Variants in CNGA2 observed in about 807,000 individuals in gnomAD.
The protein encoded by CNGA2 is cyclic nucleotide gated channel subunit alpha 2.
CNGA2 carries 22 observed loss-of-function variants against 35.9 expected under a neutral mutation model. The observed-to-expected ratio is 0.61, with a 90% CI of 0.44 to 0.88. The LOEUF is 0.88. CNGA2 is among the 40% of genes least tolerant of loss of function. The probability of loss-of-function intolerance (pLI) is 0.00; values close to 1 mark genes in which losing one functional copy is unlikely to be tolerated. For synonymous variants in CNGA2, 217 were observed against 209.2 expected (o/e 1.04, Z -0.32); for missense variants, 555 against 530.8 (o/e 1.05, Z -0.45).
intron 1 of CNGA2, among the ~76,000 whole-genome samples, chrX:151,738,249 G>A (rs1053749596): frequency 8.9e-6 from 1 of 111,760 alleles, no homozygotes; most frequent in Non-Finnish European, 1.9e-5. Context: ...TATTAGGGTT[G>A]GGGGAGTACC....
rs1379324610 is a variant in CNGA2, at chrX:151,744,160, A to G, written c.1657A>G (p.Lys553Glu). 2.1e-5 allele frequency: 25 copies of G among 1,207,673 alleles called. No individual in the cohort carries two copies. The highest frequency in any genetic ancestry group is 2.6e-5 in the Non-Finnish European group (23 of 894,747). Residue 553 changes from lysine (K) to glutamate (E), a missense_variant, in exon 7 of 7, where the codon AAG becomes GAG. Physicochemically the swap from Lys to Glu is moderately conservative, Grantham distance 56. Coordinates refer to ENST00000329903, the MANE Select transcript of CNGA2 (RefSeq NM_005140.3). ...CTACTCAGATCTCTTCTGCTTGTCC[A>G]AGGATGATCTTATGGAAGCTGTGAC... ...LGYSDLFCLSKDDLMEAVTEY... is the reference protein window; with the variant it reads ...LGYSDLFCLSEDDLMEAVTEY...
chrX:151,738,880 G>A lies in CNGA2; in HGVS notation c.203+1G>A. 8.6e-7 allele frequency: 1 copy of A among 1,162,756 alleles called. No individual in the cohort carries two copies. The highest frequency in any genetic ancestry group is 1.2e-6 in the Non-Finnish European group (1 of 869,392). On this transcript the variant is annotated splice_donor_variant, in intron 3 of 6. Coordinates refer to ENST00000329903, the MANE Select transcript of CNGA2 (RefSeq NM_005140.3). LOFTEE classifies it high-confidence loss of function. ...AGCAGGGAAGGAGTGGCTTCCGCAG[G>A]TGGGTCCCACCACTACCCTGCTGCT...
Position 151,743,174 on chromosome X carries a change from A to G in CNGA2, c.671A>G (p.Asp224Gly). The G allele has an allele frequency of 1.7e-6, 2 of 1,205,215 alleles. No individual in the cohort carries two copies. Among genetic ancestry groups the G allele is most frequent in the African/African-American group, 1.8e-5 (1 of 55,522 alleles). ...NYIHTLQFKLDVASIIPTDLI... is the reference protein window; with the variant it reads ...NYIHTLQFKLGVASIIPTDLI... ...ATCCACACCCTGCAGTTCAAGCTGG[A>G]TGTGGCTTCCATCATCCCCACTGAC... The change falls in exon 7 of 7, where the codon GAT (aspartate) becomes GGT (glycine). Residue 224 changes from aspartate to glycine, a missense_variant. Coordinates refer to ENST00000329903, the MANE Select transcript of CNGA2 (RefSeq NM_005140.3).
chrX:151,744,082 A>G lies in CNGA2; in HGVS notation c.1579A>G (p.Ile527Val). ...CTTTGGCGAGATCAGTATCCTTAAC[A>G]TTAAGGGCAGTAAAATGGGCAATCG... ...SCFGEISILN[I>V]KGSKMGNRRT... Residue 527 changes from isoleucine to valine, a missense_variant, in exon 7 of 7, where the codon ATT becomes GTT. Physicochemically the swap from Ile to Val is conservative, Grantham distance 29 (BLOSUM62 3). Coordinates refer to ENST00000329903, the MANE Select transcript of CNGA2 (RefSeq NM_005140.3). 6 of 1,211,268 alleles carry G rather than the reference A, an allele frequency of 5.0e-6. No individual in the cohort carries two copies. The highest frequency in any genetic ancestry group is 5.6e-6 in the Non-Finnish European group (5 of 895,393).
intron 2 of CNGA2, 74 bp from the exon 3 acceptor site, chrX:151,738,713 T>C (rs1824356465): frequency 9.1e-7 from 1 of 1,098,047 alleles, no homozygotes; most frequent in African/African-American, 1.8e-5. Context: ...ACATGGGATT[T>C]CTAAGCATGA....
At chrX:151,737,478 T>G (rs931318655) in intron 1 of CNGA2, among the ~76,000 whole-genome samples, 3 of 111,735 alleles carry the variant, frequency 2.7e-5, no homozygotes, top group African/African-American at 9.8e-5. Flanking sequence ...ACCCACTCTC[T>G]CCATTGCTCC....
chrX:151,739,091 T>A (rs1191281209), intron 3 of CNGA2, among the ~76,000 whole-genome samples: 1 of 112,341 alleles, frequency 8.9e-6, no homozygotes, highest in Non-Finnish European at 1.9e-5. Context: ...GAGGCCTCCC[T>A]TCACATTTGG....
Position 151,743,343 on chromosome X carries a change from C to T in CNGA2, c.840C>T (p.Leu280=), listed in dbSNP as rs140376001. The change falls in exon 7 of 7, where the codon CTC becomes CTT. Residue 280 remains leucine (L), a synonymous_variant. Transcript: ENST00000329903. The stretch of plus-strand genomic sequence containing the variant: ...TCTTCCGCATCAGCAACCTTGTCCT[C>T]TACATCTTGGTCATCATCCACTGGA... ...PNIFRISNLV[L]YILVIIHWNA... 1.6e-3 allele frequency: 1,935 copies of T among 1,206,170 alleles called. 30 individuals carry two copies. The East Asian group carries it at 0.043, about 27-fold the overall frequency.
chrX:151,744,599 T>C lies in CNGA2; in HGVS notation c.*101T>C. 1 of 716,028 alleles carries C rather than the reference T, an allele frequency of 1.4e-6. No homozygotes were observed. The highest frequency in any genetic ancestry group is 2.0e-6 in the Non-Finnish European group (1 of 498,734). 59.0% of individuals were successfully genotyped at this position (716,028 alleles called of 1,213,427 possible). A position where few individuals can be genotyped will look rare whatever the true frequency, so the allele number is the denominator to read the frequency against. On this transcript the variant is annotated 3_prime_UTR_variant, in exon 7 of 7. Transcript: ENST00000329903. ...CGGATTTACATGCATTACCCTCATG[T>C]TCCCTGAATTCTCCCAAAAGCCTCT...
Position 151,744,447 on chromosome X carries a change from C to T in CNGA2, c.1944C>T (p.Tyr648=). 8.3e-7 allele frequency: 1 copy of T among 1,202,848 alleles called. No individual in the cohort carries two copies. Among genetic ancestry groups the T allele is most frequent in the Admixed American group, 2.2e-5 (1 of 45,602 alleles). ...TGAAACAGAACAATGAAGATGACTACCTGTCTGATGGGATGAACAGCCCTG... is the reference window on the plus strand; with the variant it reads ...TGAAACAGAACAATGAAGATGACTATCTGTCTGATGGGATGAACAGCCCTG... ...TKMKQNNEDD[Y]LSDGMNSPEL... Residue 648 remains tyrosine (Y), a synonymous_variant, in exon 7 of 7, where the codon TAC becomes TAT. Transcript: ENST00000329903.
chrX:151,734,776 G>T lies in CNGA2; in HGVS notation c.-194G>T, dbSNP rs190645705. Among the ~76,000 whole-genome samples, 1 of 111,739 alleles carries T rather than the reference G, an allele frequency of 8.9e-6. No homozygotes were observed. The highest frequency in any genetic ancestry group is 3.3e-5 in the African/African-American group (1 of 30,696). On this transcript the variant is annotated 5_prime_UTR_variant, in exon 1 of 7. Transcript: ENST00000329903. ...ACTCTATTATTTCAAGAAAGATGGC[G>T]TGGATAAACTGTTAGATGCTGCTCA...
At position 151,744,067 on chromosome X, in the gene CNGA2, A is replaced by T. The variant is rs764898570; in HGVS notation, c.1564A>T (p.Ile522Phe). The T allele has an allele frequency of 8.3e-7, 1 of 1,211,175 alleles. No individual in the cohort carries two copies. Among genetic ancestry groups the T allele is most frequent in the East Asian group, 3.0e-5 (1 of 33,813 alleles). The change falls in exon 7 of 7, where the codon ATC becomes TTC. Residue 522 changes from isoleucine (I) to phenylalanine (F), a missense_variant. Physicochemically the swap from Ile to Phe is conservative, Grantham distance 21 (BLOSUM62 0). Coordinates refer to ENST00000329903, the MANE Select transcript of CNGA2 (RefSeq NM_005140.3). ...GTCGGCTGGAAGCTGCTTTGGCGAG[A>T]TCAGTATCCTTAACATTAAGGGCAG... The part of the protein sequence containing the change: ...LLSAGSCFGE[I>F]SILNIKGSKM...
chrX:151,736,616 C>T (rs995695592), intron 1 of CNGA2, among the ~76,000 whole-genome samples: 4 of 110,469 alleles, frequency 3.6e-5, no homozygotes, highest in African/African-American at 1.3e-4. Context: ...ATACATGAGA[C>T]CCACCAGCCC....
intron 4 of CNGA2, 98 bp from the exon 5 acceptor site, chrX:151,740,696 T>A (rs1045616124): frequency 1.4e-5 from 9 of 659,719 alleles, no homozygotes; most frequent in Non-Finnish European, 2.2e-5. Flanking sequence ...CCTTCGGCAG[T>A]GCTTTTGCTT....
chrX:151,743,822 T>C lies in CNGA2; in HGVS notation c.1319T>C (p.Ile440Thr), dbSNP rs764557841. 35 of 1,211,763 alleles carry C rather than the reference T, an allele frequency of 2.9e-5. No homozygotes were observed. Among genetic ancestry groups the C allele is most frequent in the South Asian group, 8.8e-5 (5 of 56,967 alleles). ...CTGCCAGCCAAGCTCAGGGCTGAGA[T>C]AGCCATCAATGTCCACTTGTCCACA... ...KNLPAKLRAE[I>T]AINVHLSTLK... Residue 440 changes from isoleucine (I) to threonine (T), a missense_variant, in exon 7 of 7, where the codon ATA (isoleucine) becomes ACA (threonine). By Grantham distance (89) the Ile-to-Thr change is moderately conservative. Transcript: ENST00000329903.
chrX:151,743,014 ATATGTATATATATG>A (rs1480469006), intron 6 of CNGA2, 65 bp from the exon 7 acceptor site: 2 of 128,052 alleles, frequency 1.6e-5, no homozygotes, highest in African/African-American at 1.0e-4. Flanking sequence ...ATACACATAT[ATATGTATATATATG>A]CACATATATA....
At chrX:151,740,722 G>A in intron 4 of CNGA2, 72 bp from the exon 5 acceptor site, 2 of 853,110 alleles carry the variant, frequency 2.3e-6, no homozygotes, top group Non-Finnish European at 3.5e-6. Flanking sequence ...GGCACTTCTG[G>A]TTTCTGGGAG....
In CNGA2 at chrX:151,743,480, A is replaced by G; in HGVS notation, c.977A>G (p.Tyr326Cys). 1.7e-6 allele frequency: 2 copies of G among 1,210,444 alleles called. No individual in the cohort carries two copies. Among genetic ancestry groups the G allele is most frequent in the East Asian group, 3.0e-5 (1 of 33,773 alleles). ...EYGYLAREYI[Y>C]CLYWSTLTLT... ...GGCTACCTGGCTAGGGAATACATCT[A>G]TTGCCTTTACTGGTCCACACTGACT... The change falls in exon 7 of 7, where the codon TAT becomes TGT. Residue 326 changes from tyrosine (Y) to cysteine (C), a missense_variant. Transcript: ENST00000329903.
Position 151,739,644 on chromosome X carries a change from G to A in CNGA2, c.286G>A (p.Glu96Lys), listed in dbSNP as rs147842635. Residue 96 changes from glutamate (E) to lysine (K), a missense_variant, in exon 4 of 7, where the codon GAG becomes AAG. Coordinates refer to ENST00000329903, the MANE Select transcript of CNGA2 (RefSeq NM_005140.3). ...GGAACCTAGGCCTGACTCATTCCTC[G>A]AGCGTTTTCGTGGGCCTGAACTCCA... is the stretch of plus-strand genomic sequence containing the variant. ...EEEPRPDSFL[E>K]RFRGPELQTV... 43 of 1,209,722 alleles carry A rather than the reference G, an allele frequency of 3.6e-5. No individual in the cohort carries two copies. Among genetic ancestry groups the A allele is most frequent in the Middle Eastern group, 2.3e-4 (1 of 4,375 alleles).
Sources: allele counts gnomAD v4.1 joint callset (sites outside exome capture counted in the v4.1 genomes callset), GRCh38; gene constraint gnomAD v4.1.1; transcripts MANE v1.5; gene names NCBI Gene and HGNC (gene_info 2026-07-23, HGNC 2026-07-21).